HRC: variants seen among roughly 807,000 people sequenced by gnomAD.
HRC encodes the protein sarcoplasmic reticulum histidine-rich calcium-binding protein.
In HRC, 41 loss-of-function variants were observed where a neutral mutation model predicts 61.4. The observed-to-expected ratio is 0.67, with a 90% CI of 0.52 to 0.87. The LOEUF (loss-of-function observed/expected upper bound fraction) is 0.87. HRC is among the 40% of genes least tolerant of loss of function. The probability of loss-of-function intolerance (pLI) is 0.00; values close to 1 mark genes in which losing one functional copy is unlikely to be tolerated. For synonymous variants in HRC, 308 were observed against 326.6 expected, an observed-to-expected ratio of 0.94 and a Z score of 0.62; for missense variants, 839 against 885.8, an observed-to-expected ratio of 0.95 and a Z score of 0.67.
chr19:49,151,639 C>T, intron 4 of HRC, 86 bp from the exon 5 acceptor site: 1 of 1,139,362 alleles, frequency 8.8e-7, no homozygotes, highest in South Asian at 1.3e-5. Context: ...GAGATTAGTG[C>T]TAGCTCCACC....
At chr19:49,151,970 C>T (rs373423974) in intron 4 of HRC, 34 bp downstream of exon 4, 976 of 1,608,238 alleles carry the variant, frequency 6.1e-4, no homozygotes, top group Non-Finnish European at 7.7e-4. Flanking sequence ...CCGGCACCTT[C>T]CTCAGGTTTT....
rs1285050704 is a variant in HRC at position 49,153,728 on chromosome 19, G to C, written c.1510C>G (p.Gln504Glu). ...SHEEDDESSE[Q>E]GEKGTHHGSR... ...CCATGATGGGTGCCTTTCTCTCCCT[G>C]CTCTGAACTTTCATCGTCTTCCTCA... Residue 504 changes from glutamine to glutamate, a missense_variant, in exon 1 of 6, where the codon CAG becomes GAG. Transcript: ENST00000252825. This position sits in a 1 kb window ranked among gnomAD's most constrained non-coding sequence, Gnocchi z 4.8. 1.1e-5 allele frequency: 18 copies of C among 1,613,822 alleles called. No individual in the cohort carries two copies. Among genetic ancestry groups the C allele is most frequent in the Non-Finnish European group, 1.4e-5 (17 of 1,180,002 alleles).
chr19:49,151,650 T>C (rs1008738289), intron 4 of HRC, 97 bp from the exon 5 acceptor site: 6 of 1,058,174 alleles, frequency 5.7e-6, no homozygotes, highest in African/African-American at 4.7e-5. Flanking sequence ...TAGCTCCACC[T>C]CCTTTTCCCT....
Position 49,154,802 on chromosome 19 carries a change from C to G in HRC, c.436G>C (p.Ala146Pro), listed in dbSNP as rs754385123. 1.2e-6 allele frequency: 2 copies of G among 1,613,756 alleles called. No homozygotes were observed. The highest frequency in any genetic ancestry group is 2.7e-5 in the African/African-American group (2 of 74,790). The change falls in exon 1 of 6, where the codon GCT (alanine) becomes CCT (proline). Residue 146 changes from alanine (A) to proline (P), a missense_variant. Physicochemically the swap from Ala to Pro is conservative, Grantham distance 27. Coordinates refer to ENST00000252825, the MANE Select transcript of HRC (RefSeq NM_002152.3). ...CTGGGGAGGTGGTGCCTGTGCTCAG[C>G]TGAGTCTTCCGTGTCTTCACTCCCG... ...GHGSEDTEDS[A>P]EHRHHLPSHR...
At chr19:49,152,412 T>TCTAA in intron 2 of HRC, 34 bp from the exon 3 acceptor site, 3 of 1,596,026 alleles carry the variant, frequency 1.9e-6, no homozygotes, top group Non-Finnish European at 1.7e-6. Flanking sequence ...AGATGGAAAC[T>TCTAA]CTAACGCCAC....
intron 3 of HRC, 103 bp from the exon 4 acceptor site, chr19:49,152,161 A>T: frequency 7.7e-7 from 1 of 1,297,278 alleles, no homozygotes; most frequent in Non-Finnish European, 1.1e-6. Flanking sequence ...GGTCTAGGTT[A>T]AGGTTGGAGT....
At position 49,155,112 on chromosome 19, in the gene HRC, G is replaced by T; in HGVS notation, c.126C>A (p.Asn42Lys). Residue 42 changes from asparagine to lysine, a missense_variant, in exon 1 of 6, where the codon AAC becomes AAA. Physicochemically the swap from Asn to Lys is moderately conservative, Grantham distance 94. Transcript: ENST00000252825. The surrounding 1 kb of genome is among the most constrained non-coding windows in gnomAD (Gnocchi z 4.7). ...CGGAGAGCCCGGCGACTCCAGTGCT[G>T]TTGTTCCGGTTTCTGAAGCCTAGCC... is the stretch of plus-strand genomic sequence containing the variant. Reference protein sequence around the residue: ...GDGLGFRNRNNSTGVAGLSEE... With the variant: ...GDGLGFRNRNKSTGVAGLSEE... 1.2e-6 allele frequency: 2 copies of T among 1,614,130 alleles called. No homozygotes were observed. The highest frequency in any genetic ancestry group is 2.2e-5 in the South Asian group (2 of 91,084).
intron 5 of HRC, 55 bp from the exon 6 acceptor site, chr19:49,151,387 A>G: frequency 6.4e-7 from 1 of 1,559,458 alleles, no homozygotes; most frequent in South Asian, 1.2e-5. Flanking sequence ...CCACCCCAGG[A>G]CGCTTAGAGA....
chr19:49,152,683 C>A (rs1190751048), intron 2 of HRC, among the ~76,000 whole-genome samples: 1 of 152,106 alleles, frequency 6.6e-6, no homozygotes, highest in African/African-American at 2.4e-5. Flanking sequence ...GATTCTCCTG[C>A]CTCGGCCTCC....
rs1408627365 is a variant in HRC at position 49,153,413 on chromosome 19, C to G, written c.1825G>C (p.Asp609His). 1 of 1,612,508 alleles carries G rather than the reference C, an allele frequency of 6.2e-7. No homozygotes were observed. The highest frequency in any genetic ancestry group is 2.2e-5 in the East Asian group (1 of 44,842). The change falls in exon 1 of 6, where the codon GAC becomes CAC. Residue 609 changes from aspartate to histidine, a missense_variant. Transcript: ENST00000252825. The surrounding 1 kb of genome is among the most constrained non-coding windows in gnomAD (Gnocchi z 4.8). ...GASSEEESGE[D>H]TGPQDAQEYG... Reference sequence around the variant, plus strand: ...ACCAGCCCAGGCCACTTACCTGTGTCCTCACCGCTTTCCTCCTCGCTGGAG... The same window carrying G: ...ACCAGCCCAGGCCACTTACCTGTGTGCTCACCGCTTTCCTCCTCGCTGGAG...
chr19:49,153,302 A>G lies in HRC; in HGVS notation c.1861T>C (p.Tyr621His), dbSNP rs1372106608. Residue 621 changes from tyrosine to histidine, a missense_variant, in exon 2 of 6, where the codon TAC becomes CAC. By Grantham distance (83) the Tyr-to-His change is moderately conservative (BLOSUM62 2). Coordinates refer to ENST00000252825, the MANE Select transcript of HRC (RefSeq NM_002152.3). The surrounding 1 kb of genome is among the most constrained non-coding windows in gnomAD (Gnocchi z 4.8). ...GPQDAQEYGN[Y>H]QPGSLCGYCS... ...TAGCCACACAGGGACCCTGGCTGGT[A>G]GTTCCCATACTCCTGAGCATCCTGT... The G allele has an allele frequency of 1.2e-6, 2 of 1,613,984 alleles. No individual in the cohort carries two copies.
rs765338813 is a variant in HRC at position 49,155,211 on chromosome 19, G to A, written c.27C>T (p.His9=). The A allele has an allele frequency of 1.1e-5, 18 of 1,609,460 alleles. No individual in the cohort carries two copies. The highest frequency in any genetic ancestry group is 5.0e-5 in the Admixed American group (3 of 59,844). MGHHRPWL[H]ASVLWAGVAS... ...CCACCCCAGCCCAGAGGACAGAAGC[G>A]TGCAGCCATGGCCTATGGTGGCCCA... Residue 9 remains histidine, a synonymous_variant, in exon 1 of 6, where the codon CAC becomes CAT. Coordinates refer to ENST00000252825, the MANE Select transcript of HRC (RefSeq NM_002152.3). This position sits in a 1 kb window ranked among gnomAD's most constrained non-coding sequence, Gnocchi z 4.7.
In HRC at chr19:49,155,065, C is replaced by T. The variant is rs766110453; in HGVS notation, c.173G>A (p.Arg58His). Residue 58 changes from arginine (R) to histidine (H), a missense_variant, in exon 1 of 6, where the codon CGC (arginine) becomes CAC (histidine). Physicochemically the swap from Arg to His is conservative, Grantham distance 29. Coordinates refer to ENST00000252825, the MANE Select transcript of HRC (RefSeq NM_002152.3). The surrounding 1 kb of genome is among the most constrained non-coding windows in gnomAD (Gnocchi z 4.7). ...GLSEEASAELRHHLHSPRDHP... is the reference protein window; with the variant it reads ...GLSEEASAELHHHLHSPRDHP... Reference sequence around the variant, plus strand: ...GTCTCTAGGGCTGTGGAGGTGGTGGCGAAGCTCTGCTGATGCCTCCTCGGA... The same window carrying T: ...GTCTCTAGGGCTGTGGAGGTGGTGGTGAAGCTCTGCTGATGCCTCCTCGGA... 34 of 1,614,078 alleles carry T rather than the reference C, an allele frequency of 2.1e-5. No homozygotes were observed. Among genetic ancestry groups the T allele is most frequent in the East Asian group, 4.5e-5 (2 of 44,894 alleles).
At position 49,153,620 on chromosome 19, in the gene HRC, T is replaced by C. The variant is rs778316873; in HGVS notation, c.1618A>G (p.Lys540Glu). The C allele has an allele frequency of 1.9e-6, 3 of 1,543,260 alleles. No individual in the cohort carries two copies. The highest frequency in any genetic ancestry group is 2.7e-6 in the Non-Finnish European group (3 of 1,119,906). Residue 540 changes from lysine to glutamate, a missense_variant, in exon 1 of 6, where the codon AAG (lysine) becomes GAG (glutamate). Transcript: ENST00000252825. This position sits in a 1 kb window ranked among gnomAD's most constrained non-coding sequence, Gnocchi z 4.8. ...LNQEEEEEED[K>E]EEEEEEEDEE... ...TCTTCTTCCTCCTCCTCCTCCTCCTTGTCTTCCTCTTCTTCCTCCTCCTGG... is the reference window on the plus strand; with the variant it reads ...TCTTCTTCCTCCTCCTCCTCCTCCTCGTCTTCCTCTTCTTCCTCCTCCTGG...
At chr19:49,152,773 G>A (rs1423103712) in intron 2 of HRC, among the ~76,000 whole-genome samples, 1 of 151,688 alleles carries the variant, frequency 6.6e-6, no homozygotes, top group Non-Finnish European at 1.5e-5. Flanking sequence ...GGGTTTCACC[G>A]TGTTAGCCAG....
In HRC at chr19:49,153,210, G is replaced by T; in HGVS notation, c.1902+51C>A. The T allele has an allele frequency of 6.9e-7, 1 of 1,452,616 alleles. No individual in the cohort carries two copies. The highest frequency in any genetic ancestry group is 9.7e-7 in the Non-Finnish European group (1 of 1,035,290). 90.0% of individuals were successfully genotyped at this position (1,452,616 alleles called of 1,614,324 possible). On this transcript the variant is annotated intron_variant, in intron 2 of 5. Coordinates refer to ENST00000252825, the MANE Select transcript of HRC (RefSeq NM_002152.3). This position sits in a 1 kb window ranked among gnomAD's most constrained non-coding sequence, Gnocchi z 4.8. ...CCCACAGCACCACCCCAGGGCCCCT[G>T]GGACAGATTCTGGGGACACCTTGGT... is the stretch of plus-strand genomic sequence containing the variant.
chr19:49,151,651 C>T, intron 4 of HRC, 98 bp from the exon 5 acceptor site: 2 of 1,060,860 alleles, frequency 1.9e-6, no homozygotes, highest in South Asian at 1.3e-5. Flanking sequence ...AGCTCCACCT[C>T]CTTTTCCCTA....
rs1349750183 is a variant in HRC, at chr19:49,152,307, C to T, written c.1971+3G>A. 2 of 1,611,856 alleles carry T rather than the reference C, an allele frequency of 1.2e-6. No individual in the cohort carries two copies. The highest frequency in any genetic ancestry group is 1.7e-6 in the Non-Finnish European group (2 of 1,178,586). ...GAGCCTTGAGTGTGAGGTGAGGTCTCACCTGGCACTGGTCGCAGTGCTCAC... is the reference window on the plus strand; with the variant it reads ...GAGCCTTGAGTGTGAGGTGAGGTCTTACCTGGCACTGGTCGCAGTGCTCAC... On this transcript the variant is annotated splice_donor_region_variant and intron_variant, in intron 3 of 5. Transcript: ENST00000252825.
At position 49,153,606 on chromosome 19, in the gene HRC, C is replaced by T; in HGVS notation, c.1632G>A (p.Glu544=). ...EEEEEDKEEE[E]EEEDEERREE... The stretch of plus-strand genomic sequence containing the variant: ...CCCTCCTCTCCTCGTCTTCTTCCTC[C>T]TCCTCCTCCTCCTTGTCTTCCTCTT... Residue 544 remains glutamate, a synonymous_variant, in exon 1 of 6, where the codon GAG becomes GAA. Transcript: ENST00000252825. The surrounding 1 kb of genome is among the most constrained non-coding windows in gnomAD (Gnocchi z 4.8). The T allele has an allele frequency of 6.5e-7, 1 of 1,531,586 alleles. No homozygotes were observed. Among genetic ancestry groups the T allele is most frequent in the Non-Finnish European group, 9.0e-7 (1 of 1,112,466 alleles). 94.9% of individuals were successfully genotyped at this position (1,531,586 alleles called of 1,614,324 possible). A position where few individuals can be genotyped will look rare whatever the true frequency, so the allele number is the denominator to read the frequency against.
Sources: allele counts gnomAD v4.1 joint callset (sites outside exome capture counted in the v4.1 genomes callset), GRCh38; gene constraint gnomAD v4.1.1; non-coding constraint Gnocchi (gnomAD v3.1); transcripts MANE v1.5; gene names NCBI Gene and HGNC (gene_info 2026-07-23, HGNC 2026-07-21).